The following LRRC7 variants were observed in gnomAD, a reference collection of about 807,000 sequenced individuals.
LRRC7 encodes leucine-rich repeat-containing protein 7.
LRRC7 carries 23 observed loss-of-function variants against 175.7 expected under a neutral mutation model. The ratio of observed to expected loss-of-function variants is 0.13; its 90% confidence interval spans 0.09 to 0.19. LRRC7 has a LOEUF of 0.19. LRRC7 is among the 10% of genes least tolerant of loss of function. The pLI is 1.00. For missense variants in LRRC7, 1,354 were observed against 1,904.7 expected (o/e 0.71, Z 5.38); for synonymous variants, 685 against 680.9 (o/e 1.01, Z -0.09).
At chr1:69,746,035 A>G (rs1230590384) in intron 2 of LRRC7, among the ~76,000 whole-genome samples, 2 of 151,890 alleles carry the variant, frequency 1.3e-5, no homozygotes, top group South Asian at 2.1e-4. Flanking sequence ...AATACTCATT[A>G]GTAAAGTATC....
chr1:69,629,579 G>C (rs1047849319), intron 1 of LRRC7, among the ~76,000 whole-genome samples: 2 of 151,948 alleles, frequency 1.3e-5, no homozygotes, highest in African/African-American at 4.8e-5. Context: ...TCTAGTCCCA[G>C]GATGACTACA....
intron 7 of LRRC7, among the ~76,000 whole-genome samples, chr1:69,928,088 G>A (rs998066334): frequency 9.2e-4 from 140 of 152,292 alleles, no homozygotes; most frequent in African/African-American, 3.3e-3. Context: ...CTGTTTGCCT[G>A]GGTATCAGCA....
intron 9 of LRRC7, among the ~76,000 whole-genome samples, chr1:69,984,421 T>C (rs751840291): frequency 6.6e-6 from 1 of 152,166 alleles, no homozygotes; most frequent in Non-Finnish European, 1.5e-5. Context: ...CTCTGTCAAG[T>C]AATTAGAGAT....
intron 1 of LRRC7, among the ~76,000 whole-genome samples, chr1:69,627,656 A>T (rs998606863): frequency 2.0e-5 from 3 of 152,094 alleles, no homozygotes; most frequent in Admixed American, 6.6e-5. Context: ...GCCCATGCCT[A>T]TGTCCTGAAT....
chr1:69,673,845 C>A (rs147646770), intron 1 of LRRC7, among the ~76,000 whole-genome samples: 2 of 151,650 alleles, frequency 1.3e-5, no homozygotes, highest in Admixed American at 6.6e-5. Flanking sequence ...TTGTTTTGGC[C>A]CCAGTTATCT....
chr1:69,649,609 C>T (rs1319505523), intron 1 of LRRC7, among the ~76,000 whole-genome samples: 2 of 152,050 alleles, frequency 1.3e-5, no homozygotes, highest in African/African-American at 4.8e-5. Flanking sequence ...TCTGGTAACC[C>T]TCTAGGAAAG....
intron 7 of LRRC7, among the ~76,000 whole-genome samples, chr1:69,888,609 A>T (rs1261759603): frequency 1.3e-5 from 2 of 152,124 alleles, no homozygotes; most frequent in African/African-American, 4.8e-5. Context: ...TGTATACCGG[A>T]GCTGTTCCTA....
At chr1:69,676,262 T>C (rs1250272785) in intron 1 of LRRC7, among the ~76,000 whole-genome samples, 1 of 152,002 alleles carries the variant, frequency 6.6e-6, no homozygotes, top group African/African-American at 2.4e-5. Context: ...CATAATCCTC[T>C]CTCTATGCTA....
At chr1:69,833,145 GA>G (rs996126624) in intron 5 of LRRC7, among the ~76,000 whole-genome samples, 1 of 151,978 alleles carries the variant, frequency 6.6e-6, no homozygotes, top group African/African-American at 2.4e-5. Flanking sequence ...TCATTAGAAG[GA>G]AAATGTTAAA....
At chr1:69,742,904 T>A (rs1181958371) in intron 2 of LRRC7, among the ~76,000 whole-genome samples, 2 of 152,020 alleles carry the variant, frequency 1.3e-5, no homozygotes, top group East Asian at 1.9e-4. Flanking sequence ...ATAGATTTAC[T>A]AAGAATAACA....
intron 3 of LRRC7, among the ~76,000 whole-genome samples, chr1:69,787,221 T>C (rs923401272): frequency 1.3e-5 from 2 of 152,242 alleles, no homozygotes; most frequent in Non-Finnish European, 2.9e-5. Flanking sequence ...TCTGCACTTG[T>C]GGCCTCGCAG....
intron 24 of LRRC7, among the ~76,000 whole-genome samples, chr1:70,088,474 G>A (rs574049684): frequency 1.3e-5 from 2 of 152,214 alleles, no homozygotes; most frequent in South Asian, 2.1e-4. Context: ...GAGGCAGGAG[G>A]ATACTTTGAG....
intron 25 of LRRC7, among the ~76,000 whole-genome samples, chr1:70,098,699 G>A (rs1293629796): frequency 7.9e-5 from 12 of 151,778 alleles, no homozygotes; most frequent in Non-Finnish European, 1.3e-4. Flanking sequence ...ACACCTCTAC[G>A]CAAATAAACT....
At position 70,126,870 on chromosome 1, in the gene LRRC7, T is replaced by C. The variant is rs1474557493; in HGVS notation, c.*4983T>C. On this transcript the variant is annotated 3_prime_UTR_variant, in exon 27 of 27. Coordinates refer to ENST00000651989, the MANE Select transcript of LRRC7 (RefSeq NM_001370785.2). ...CTGTTTCTAGCGTGTAAAACTGACC[T>C]GTCTTCATTGCTGCAGTTGCTGCTA... is the stretch of plus-strand genomic sequence containing the variant. Among the ~76,000 whole-genome samples, 1 of 152,234 alleles carries C rather than the reference T, an allele frequency of 6.6e-6. No homozygotes were observed. Among genetic ancestry groups the C allele is most frequent in the African/African-American group, 2.4e-5 (1 of 41,460 alleles).
intron 7 of LRRC7, among the ~76,000 whole-genome samples, chr1:69,891,079 G>T (rs1404383100): frequency 6.6e-6 from 1 of 152,220 alleles, no homozygotes; most frequent in East Asian, 1.9e-4. Context: ...TTTCCTTCAA[G>T]AAATGTTCCT....
chr1:69,954,202 A>T (rs1650256900), intron 8 of LRRC7, among the ~76,000 whole-genome samples: 1 of 151,938 alleles, frequency 6.6e-6, no homozygotes, highest in Non-Finnish European at 1.5e-5. Context: ...GGGAGAGAGC[A>T]TCCTGGTCAG....
At chr1:70,073,212 C>T (rs1417176921) in intron 23 of LRRC7, among the ~76,000 whole-genome samples, 1 of 152,026 alleles carries the variant, frequency 6.6e-6, no homozygotes, top group Non-Finnish European at 1.5e-5. Flanking sequence ...TGGGTGGTAG[C>T]TATTATTTAT....
chr1:69,748,341 T>C (rs1422240621), intron 2 of LRRC7, among the ~76,000 whole-genome samples: 2 of 152,136 alleles, frequency 1.3e-5, no homozygotes, highest in African/African-American at 4.8e-5. Flanking sequence ...TATCATGTGT[T>C]GTGAAGGGCA....
intron 7 of LRRC7, 73 bp downstream of exon 7, chr1:69,838,356 T>C: frequency 1.6e-6 from 2 of 1,234,752 alleles, no homozygotes; most frequent in Non-Finnish European, 2.4e-6. Flanking sequence ...CTACTTTTAT[T>C]TTGTCTGTGT....
Sources: allele counts gnomAD v4.1 joint callset (sites outside exome capture counted in the v4.1 genomes callset), GRCh38; gene constraint gnomAD v4.1.1; transcripts MANE v1.5; gene names NCBI Gene and HGNC (gene_info 2026-07-23, HGNC 2026-07-21).